The following ATRNL1 variants were observed in gnomAD, a reference collection of about 807,000 sequenced individuals.
The protein encoded by ATRNL1 is attractin like 1.
ATRNL1 carries 95 observed loss-of-function variants against 182.7 expected under a neutral mutation model. The observed-to-expected ratio is 0.52, with a 90% CI of 0.44 to 0.62. ATRNL1 has a LOEUF of 0.62. Among genes scored for constraint, ATRNL1 ranks in the 20% least tolerant of loss-of-function variants. ATRNL1 has a pLI of 0.00. For synonymous variants in ATRNL1, 576 were observed against 568.3 expected (o/e 1.01, Z -0.19); for missense variants, 1,471 against 1,679.5 (o/e 0.88, Z 2.17).
intron 27 of ATRNL1, among the ~76,000 whole-genome samples, chr10:115,729,550 G>T (rs1452624322): frequency 7.2e-6 from 1 of 139,730 alleles, no homozygotes; most frequent in African/African-American, 2.7e-5. Flanking sequence ...TACTAGCCTT[G>T]CTTCTTTTTG....
At chr10:115,725,664 G>A (rs1358374777) in intron 26 of ATRNL1, among the ~76,000 whole-genome samples, 1 of 152,030 alleles carries the variant, frequency 6.6e-6, no homozygotes, top group Non-Finnish European at 1.5e-5. Flanking sequence ...GTATATTTGT[G>A]TGTGTTGTCT....
At chr10:115,860,667 A>T (rs1555103286) in intron 28 of ATRNL1, among the ~76,000 whole-genome samples, 1 of 152,186 alleles carries the variant, frequency 6.6e-6, no homozygotes, top group African/African-American at 2.4e-5. Flanking sequence ...ACAGCTGGTG[A>T]CCCTGTCCAG....
chr10:115,373,151 A>G (rs1372792337), intron 19 of ATRNL1, among the ~76,000 whole-genome samples: 3 of 151,692 alleles, frequency 2.0e-5, no homozygotes, highest in African/African-American at 4.8e-5. Context: ...TTATTTCTTG[A>G]TTTTGTTTTT....
intron 21 of ATRNL1, among the ~76,000 whole-genome samples, chr10:115,454,663 T>C (rs1554968341): frequency 2.0e-5 from 3 of 152,144 alleles, no homozygotes; most frequent in African/African-American, 7.2e-5. Flanking sequence ...GATGCCATTG[T>C]AAGAATGTTT....
At chr10:115,413,073 A>G (rs184587884) in intron 20 of ATRNL1, among the ~76,000 whole-genome samples, 183 of 152,290 alleles carry the variant, frequency 1.2e-3, no homozygotes, top group African/African-American at 4.2e-3. Context: ...AGGTTAGCAC[A>G]GTTTTATCAA....
intron 26 of ATRNL1, among the ~76,000 whole-genome samples, chr10:115,701,646 G>A (rs1485230505): frequency 6.6e-6 from 1 of 151,864 alleles, no homozygotes; most frequent in Non-Finnish European, 1.5e-5. Context: ...AAATATAAAA[G>A]TTCTTCAGAG....
At chr10:115,227,033 G>A (rs1402566001) in intron 9 of ATRNL1, among the ~76,000 whole-genome samples, 1 of 151,898 alleles carries the variant, frequency 6.6e-6, no homozygotes, top group African/African-American at 2.4e-5. Flanking sequence ...TTTTGGCTAA[G>A]TCCCCAAAAG....
At chr10:115,489,120 T>A (rs1849171100) in intron 24 of ATRNL1, among the ~76,000 whole-genome samples, 1 of 152,216 alleles carries the variant, frequency 6.6e-6, no homozygotes, top group African/African-American at 2.4e-5. Context: ...CTTTTGCATT[T>A]GCTGAAGAGT....
chr10:115,829,825 A>G (rs1555093071), intron 27 of ATRNL1, among the ~76,000 whole-genome samples: 2 of 152,150 alleles, frequency 1.3e-5, no homozygotes, highest in South Asian at 2.1e-4. Flanking sequence ...GACTGCCCGG[A>G]GAAGAGTTCC....
intron 13 of ATRNL1, among the ~76,000 whole-genome samples, chr10:115,274,046 G>A (rs1235001509): frequency 1.3e-5 from 2 of 152,160 alleles, no homozygotes; most frequent in African/African-American, 4.8e-5. Flanking sequence ...TTCTGCTAAA[G>A]GATAGTAGTT....
intron 28 of ATRNL1, among the ~76,000 whole-genome samples, chr10:115,930,350 G>A (rs1339241347): frequency 1.3e-5 from 2 of 151,998 alleles, no homozygotes; most frequent in Non-Finnish European, 2.9e-5. Flanking sequence ...ACCTCTTCAG[G>A]TCGGATCATA....
At position 115,238,688 on chromosome 10, in the gene ATRNL1, T is replaced by TG. The variant is rs539469293; in HGVS notation, c.1533-2882dup. 5.9e-5 allele frequency among the ~76,000 whole-genome samples: 9 copies of TG among 152,276 alleles called. No individual in the cohort carries two copies. In the South Asian group the frequency reaches 1.7e-3, roughly 28 times the overall value. On this transcript the variant is annotated intron_variant, in intron 9 of 28. Transcript: ENST00000355044. The stretch of plus-strand genomic sequence containing the variant: ...ACTTCGTAGACAGTCATATCATTTG[T>TG]GAAAAAATACCATTTTATTTCTTCC...
At chr10:115,446,854 C>T (rs1435461408) in intron 21 of ATRNL1, among the ~76,000 whole-genome samples, 5 of 151,048 alleles carry the variant, frequency 3.3e-5, no homozygotes, top group African/African-American at 7.3e-5. Flanking sequence ...TGTGGATCTC[C>T]GATTTTCTTG....
chr10:115,621,276 T>TATAGAGAG lies in ATRNL1; in HGVS notation c.3795+71741_3795+71742insTAGAGAGA, dbSNP rs1268020830. Among the ~76,000 whole-genome samples the TATAGAGAG allele has an allele frequency of 8.3e-3, 393 of 47,504 alleles. 2 individuals carry two copies. The highest frequency in any genetic ancestry group is 0.013 in the Admixed American group (48 of 3,776). The allele number at this position is 47,504 out of a possible 152,430, so 31.2% of individuals were successfully genotyped here. ...CTGAATATATATATATATATATATA[T>TATAGAGAG]AGAGAGAGAGAGAGAGAGAGAGAGA... On this transcript the variant is annotated intron_variant, in intron 26 of 28. Transcript: ENST00000355044.
At position 115,300,128 on chromosome 10, in the gene ATRNL1, T is replaced by A. The variant is rs1554923975; in HGVS notation, c.2510T>A (p.Leu837His). Reference protein sequence around the residue: ...SPFTNTTLQWLPGEPNDSGFC... With the variant: ...SPFTNTTLQWHPGEPNDSGFC... ...TTTACAAACACAACACTACAGTGGC[T>A]TCCTGGCGAACCCAATGATTCTGGG... Residue 837 changes from leucine (L) to histidine (H), a missense_variant, in exon 16 of 29, where the codon CTT becomes CAT. Around this residue, in one of 3 missense-constraint regions of ATRNL1, gnomAD observed 1,031 missense variants for 1,156.0 expected, o/e 0.89. Coordinates refer to ENST00000355044, the MANE Select transcript of ATRNL1 (RefSeq NM_207303.4). 1 of 1,614,082 alleles carries A rather than the reference T, an allele frequency of 6.2e-7. No individual in the cohort carries two copies. The highest frequency in any genetic ancestry group is 2.2e-5 in the East Asian group (1 of 44,876).
intron 24 of ATRNL1, among the ~76,000 whole-genome samples, chr10:115,506,731 C>A (rs550151424): frequency 6.6e-6 from 1 of 151,988 alleles, no homozygotes; most frequent in Non-Finnish European, 1.5e-5. Context: ...ATTCTCTGGA[C>A]GGTATGCTCC....
intron 19 of ATRNL1, among the ~76,000 whole-genome samples, chr10:115,387,242 C>T (rs1392111565): frequency 4.6e-5 from 7 of 152,094 alleles, no homozygotes; most frequent in African/African-American, 1.7e-4. Flanking sequence ...CTATGCCGTC[C>T]TTTGTTGCTG....
intron 5 of ATRNL1, among the ~76,000 whole-genome samples, chr10:115,154,668 C>T (rs1446447433): frequency 6.6e-6 from 1 of 152,052 alleles, no homozygotes; most frequent in Non-Finnish European, 1.5e-5. Flanking sequence ...TATTTTGTAG[C>T]TGTTGATTGA....
chr10:115,538,807 T>C (rs1318639514), intron 25 of ATRNL1, among the ~76,000 whole-genome samples: 2 of 152,232 alleles, frequency 1.3e-5, no homozygotes, highest in Non-Finnish European at 2.9e-5. Context: ...CTAACAGTTT[T>C]ATACAGTCAA....
Sources: allele counts gnomAD v4.1 joint callset (sites outside exome capture counted in the v4.1 genomes callset), GRCh38; gene constraint gnomAD v4.1.1; regional missense constraint gnomAD v4.1.1; transcripts MANE v1.5; gene names NCBI Gene and HGNC (gene_info 2026-07-23, HGNC 2026-07-21).